Variants in QKI observed in about 807,000 individuals in gnomAD.
QKI encodes QKI, KH domain containing RNA binding, also known as KH domain-containing RNA-binding protein QKI.
A neutral mutation model predicts 39.0 loss-of-function variants in QKI; 10 were observed. The observed-to-expected ratio is 0.26, with a 90% CI of 0.16 to 0.43. The LOEUF (loss-of-function observed/expected upper bound fraction) is 0.43, where lower values mean the gene tolerates loss of function less well. Ranked by LOEUF, QKI falls within the 20% of genes least tolerant of loss-of-function variation. QKI has a pLI of 1.00. For synonymous variants in QKI, 204 were observed against 155.4 expected (o/e 1.31, Z -2.33); for missense variants, 218 against 428.0 (o/e 0.51, Z 4.33).
chr6:163,554,063 AATG>A (rs1263619943), intron 4 of QKI, among the ~76,000 whole-genome samples: 1 of 152,190 alleles, frequency 6.6e-6, no homozygotes, highest in Non-Finnish European at 1.5e-5. Context: ...AAGCCTGTGT[AATG>A]ATGAAACCAA....
chr6:163,515,678 G>T (rs77475295), intron 3 of QKI, among the ~76,000 whole-genome samples: 5,898 of 152,142 alleles, frequency 0.039, 395 homozygotes, highest in African/African-American at 0.14. Context: ...CAACAAAAGG[G>T]AAACTTACAT....
intron 3 of QKI, among the ~76,000 whole-genome samples, chr6:163,499,984 A>G (rs1041129726): frequency 6.6e-6 from 1 of 152,172 alleles, no homozygotes; most frequent in African/African-American, 2.4e-5. Context: ...ACTCTGAGGA[A>G]GTTACATCTA....
Position 163,488,329 on chromosome 6 carries a change from C to CA in QKI, c.402+9442dup, listed in dbSNP as rs1278631126. Among the ~76,000 whole-genome samples, 593 of 146,794 alleles carry CA rather than the reference C, an allele frequency of 4.0e-3. 3 individuals are homozygous for CA. Among genetic ancestry groups the CA allele is most frequent in the African/African-American group, 0.013 (523 of 39,904 alleles). ...GGGAAGCTTTGTTAACAAAAAGTGA[C>CA]AAAAAAAAAGAGAGAGAGAGAGAAA... On this transcript the variant is annotated intron_variant, in intron 3 of 7. Coordinates refer to ENST00000361752, the MANE Select transcript of QKI (RefSeq NM_006775.3).
rs1783811705 is a variant in QKI at position 163,573,398 on chromosome 6, G to T, written c.*2688G>T. 1 of 151,962 alleles carries T rather than the reference G, an allele frequency of 6.6e-6. No homozygotes were observed. The allele number at this position is 151,962 out of a possible 1,614,324, so 9.4% of individuals were successfully genotyped here. A position where few individuals can be genotyped will look rare whatever the true frequency, so the allele number is the denominator to read the frequency against. On this transcript the variant is annotated 3_prime_UTR_variant, in exon 8 of 8. Coordinates refer to ENST00000361752, the MANE Select transcript of QKI (RefSeq NM_006775.3). ...TTTTTGTCTATTCTTTATTATCTTA[G>T]TTTCATGCTATGTATGTACCATAAC...
In QKI at chr6:163,571,691, AT is replaced by A. The variant is rs1451838805; in HGVS notation, c.*982del. On this transcript the variant is annotated 3_prime_UTR_variant, in exon 8 of 8. Coordinates refer to ENST00000361752, the MANE Select transcript of QKI (RefSeq NM_006775.3). The stretch of plus-strand genomic sequence containing the variant: ...GAAAAAAATATATATATTTTTGGAA[AT>A]GTAGCATTTTATACTTTCAAGTGTT... 5 of 150,208 alleles carry A rather than the reference AT, an allele frequency of 3.3e-5. No homozygotes were observed. Among genetic ancestry groups the A allele is most frequent in the African/African-American group, 1.2e-4 (5 of 40,580 alleles). 9.3% of individuals were successfully genotyped at this position (150,208 alleles called of 1,614,324 possible).
rs1783982046 is a variant in QKI, at chr6:163,576,513, T to G, written c.*5803T>G. On this transcript the variant is annotated 3_prime_UTR_variant, in exon 8 of 8. Coordinates refer to ENST00000361752, the MANE Select transcript of QKI (RefSeq NM_006775.3). ...TATTAAGTTTTTATTACCAAATATATCTTTTATGGTTTATATTGTAGTGGT... is the reference window on the plus strand; with the variant it reads ...TATTAAGTTTTTATTACCAAATATAGCTTTTATGGTTTATATTGTAGTGGT... 1 of 152,106 alleles carries G rather than the reference T, an allele frequency of 6.6e-6. No individual in the cohort carries two copies. The highest frequency in any genetic ancestry group is 2.4e-5 in the African/African-American group (1 of 41,374). 9.4% of individuals were successfully genotyped at this position (152,106 alleles called of 1,614,324 possible). A position where few individuals can be genotyped will look rare whatever the true frequency, so the allele number is the denominator to read the frequency against.
chr6:163,456,631 A>G (rs974315176), intron 2 of QKI, among the ~76,000 whole-genome samples: 2 of 151,984 alleles, frequency 1.3e-5, no homozygotes, highest in Admixed American at 6.5e-5. Context: ...ACAATTTGCA[A>G]AAATTGATCT....
At chr6:163,474,702 T>G (rs541707421) in intron 2 of QKI, among the ~76,000 whole-genome samples, 2 of 140,998 alleles carry the variant, frequency 1.4e-5, no homozygotes, top group East Asian at 4.2e-4. Flanking sequence ...GGCACTGGGG[T>G]GGAGTGGGGG....
intron 4 of QKI, among the ~76,000 whole-genome samples, chr6:163,541,797 A>G (rs1165852532): frequency 6.6e-6 from 1 of 151,758 alleles, no homozygotes; most frequent in Non-Finnish European, 1.5e-5. Context: ...TTTTCTCCCC[A>G]AATACCAGTT....
chr6:163,541,390 T>A (rs1781506387), intron 4 of QKI, among the ~76,000 whole-genome samples: 1 of 152,086 alleles, frequency 6.6e-6, no homozygotes, highest in African/African-American at 2.4e-5. Flanking sequence ...TGATGAATGT[T>A]TCACATACAC....
intron 4 of QKI, among the ~76,000 whole-genome samples, chr6:163,551,420 A>G (rs1782228824): frequency 6.6e-6 from 1 of 152,196 alleles, no homozygotes; most frequent in South Asian, 2.1e-4. Context: ...TCCTTACCTT[A>G]CTTTATTCTA....
chr6:163,569,620 A>G (rs993587344), intron 7 of QKI: 6 of 1,008,510 alleles, frequency 5.9e-6, no homozygotes, highest in Non-Finnish European at 7.1e-6. Context: ...TAACTTTTCC[A>G]CTTGAGAACT....
At chr6:163,418,370 T>C (rs1020982643) in intron 1 of QKI, among the ~76,000 whole-genome samples, 2 of 152,184 alleles carry the variant, frequency 1.3e-5, no homozygotes, top group Non-Finnish European at 2.9e-5. Flanking sequence ...GTTTTCCCAG[T>C]TGATGAAGAC....
chr6:163,512,019 G>C (rs1779513993), intron 3 of QKI, among the ~76,000 whole-genome samples: 1 of 152,016 alleles, frequency 6.6e-6, no homozygotes, highest in Non-Finnish European at 1.5e-5. Context: ...GGTATATTTT[G>C]AGAATGCAAG....
chr6:163,462,780 T>G (rs149421891), intron 2 of QKI, among the ~76,000 whole-genome samples: 2 of 152,298 alleles, frequency 1.3e-5, no homozygotes, highest in African/African-American at 4.8e-5. Context: ...GGTACTGATA[T>G]AGCCACAATC....
At chr6:163,531,188 T>A (rs1221734271) in intron 3 of QKI, among the ~76,000 whole-genome samples, 2 of 152,212 alleles carry the variant, frequency 1.3e-5, no homozygotes, top group Non-Finnish European at 2.9e-5. Flanking sequence ...TAGCGTCTTT[T>A]ATTAACTCTC....
chr6:163,520,420 T>C (rs1780076691), intron 3 of QKI, among the ~76,000 whole-genome samples: 1 of 151,874 alleles, frequency 6.6e-6, no homozygotes, highest in African/African-American at 2.4e-5. Flanking sequence ...AAGTTCAGGA[T>C]TTTTTTTAAA....
intron 3 of QKI, among the ~76,000 whole-genome samples, chr6:163,505,857 G>T (rs1181943653): frequency 6.6e-6 from 1 of 152,080 alleles, no homozygotes; most frequent in East Asian, 1.9e-4. Context: ...ATGAAATTTT[G>T]GAGGGGTCAG....
intron 4 of QKI, among the ~76,000 whole-genome samples, chr6:163,549,291 A>C (rs146707287): frequency 0.012 from 1,838 of 152,288 alleles, 116 homozygotes; most frequent in Admixed American, 0.1. Flanking sequence ...GGGGATATGC[A>C]GGAAGTATGG....
Sources: allele counts gnomAD v4.1 joint callset (sites outside exome capture counted in the v4.1 genomes callset), GRCh38; gene constraint gnomAD v4.1.1; transcripts MANE v1.5; gene names NCBI Gene and HGNC (gene_info 2026-07-23, HGNC 2026-07-21).